The following RS1 variants were observed in gnomAD, a reference collection of about 807,000 sequenced individuals.
RS1 encodes retinoschisin.
In RS1, 2 loss-of-function variants were observed where a neutral mutation model predicts 20.8. The ratio of observed to expected loss-of-function variants is 0.10; its 90% CI spans 0.04 to 0.30. The LOEUF (loss-of-function observed/expected upper bound fraction) is 0.30, where lower values mean the gene tolerates loss of function less well. RS1 is among the 10% of genes least tolerant of loss of function. The pLI is 1.00. For synonymous variants in RS1, 70 were observed against 75.8 expected, an observed-to-expected ratio of 0.92 and a Z score of 0.40; for missense variants, 151 against 189.8, an observed-to-expected ratio of 0.80 and a Z score of 1.20.
At chrX:18,648,731 T>G (rs1331490751) in intron 3 of RS1, among the ~76,000 whole-genome samples, 3 of 111,984 alleles carry the variant, frequency 2.7e-5, no homozygotes, top group Non-Finnish European at 5.6e-5. Flanking sequence ...TTTTTTCCTG[T>G]TGCCTAGATC....
rs58669795 is a variant in RS1, at chrX:18,653,410, G to A, written c.184+3243C>T. The A allele has an allele frequency of 1.0e-3, 1,259 of 1,206,526 alleles. 7 individuals carry two copies. The African/African-American group carries it at 0.019, about 18-fold the overall frequency. The stretch of plus-strand genomic sequence containing the variant: ...GCTCCTGGCAGCTCTGAGTGACCCC[G>A]CTGTCCTTCTGTGCTTTCCAGGGTT... On this transcript the variant is annotated intron_variant, in intron 3 of 5. Coordinates refer to ENST00000379984, the MANE Select transcript of RS1 (RefSeq NM_000330.4).
rs144725387 is a variant in RS1, at chrX:18,649,915, C to T, written c.185-2583G>A. ...TGGGCAAAATTCTAACCTTGGGTGT[C>T]TCTGAGGCCCCTCCACTTTGAGCAT... On this transcript the variant is annotated intron_variant, in intron 3 of 5. Transcript: ENST00000379984. 3.6e-3 allele frequency among the ~76,000 whole-genome samples: 402 copies of T among 111,437 alleles called. 4 individuals carry two copies. The highest frequency in any genetic ancestry group is 0.012 in the African/African-American group (379 of 30,701).
At chrX:18,652,082 A>G (rs1233501862) in intron 3 of RS1, among the ~76,000 whole-genome samples, 1 of 110,558 alleles carries the variant, frequency 9.0e-6, no homozygotes, top group African/African-American at 3.3e-5. Context: ...CTTCACTGCC[A>G]TCTCCCCTCG....
intron 5 of RS1, 52 bp downstream of exon 5, chrX:18,644,378 G>A: frequency 9.0e-7 from 1 of 1,114,775 alleles, no homozygotes; most frequent in South Asian, 1.8e-5. Flanking sequence ...GGACAGGAGG[G>A]GAAGTCCCAG....
At chrX:18,664,724 T>C (rs1928375663) in intron 1 of RS1, among the ~76,000 whole-genome samples, 1 of 110,846 alleles carries the variant, frequency 9.0e-6, no homozygotes, top group African/African-American at 3.3e-5. Flanking sequence ...GTATTATTAT[T>C]ATTATTTTGA....
intron 1 of RS1, among the ~76,000 whole-genome samples, chrX:18,660,149 C>T (rs1928285843): frequency 9.0e-6 from 1 of 111,265 alleles, no homozygotes; most frequent in South Asian, 3.8e-4. Flanking sequence ...ATGGTTTTCC[C>T]TCATTAATCT....
intron 3 of RS1, chrX:18,653,667 T>C: frequency 1.0e-6 from 1 of 1,003,347 alleles, no homozygotes; most frequent in African/African-American, 1.9e-5. Flanking sequence ...AATATCTGTG[T>C]TGTTAAGATC....
At chrX:18,662,439 C>T (rs1305599721) in intron 1 of RS1, among the ~76,000 whole-genome samples, 1 of 110,982 alleles carries the variant, frequency 9.0e-6, no homozygotes. Context: ...TCTCCTAATG[C>T]TATCCCTCCC....
At chrX:18,647,164 GA>G in intron 4 of RS1, 26 bp downstream of exon 4, 2 of 1,207,256 alleles carry the variant, frequency 1.7e-6, no homozygotes, top group Admixed American at 2.2e-5. Context: ...AAAAGCACAT[GA>G]AAAAAAATCC....
chrX:18,655,017 G>A (rs1305902979), intron 3 of RS1, among the ~76,000 whole-genome samples: 1 of 68,096 alleles, frequency 1.5e-5, no homozygotes, highest in African/African-American at 4.5e-5. Flanking sequence ...CAGCAAGGCC[G>A]GTTTCATGCA....
At chrX:18,652,467 G>A (rs750341217) in intron 3 of RS1, among the ~76,000 whole-genome samples, 5 of 111,843 alleles carry the variant, frequency 4.5e-5, no homozygotes, top group African/African-American at 6.5e-5. Flanking sequence ...TCAGGAGTTC[G>A]AGACCAGCCT....
chrX:18,656,695 C>T lies in RS1; in HGVS notation c.142G>A (p.Ala48Thr), dbSNP rs1345077562. ...CKCDCQGGPN[A>T]LWSAGATSLD... ...GAGGTGGCACCTGCAGACCACAGAGCATTGGGTCCTCCTTGGCAATCGCAC... is the reference window on the plus strand; with the variant it reads ...GAGGTGGCACCTGCAGACCACAGAGTATTGGGTCCTCCTTGGCAATCGCAC... Residue 48 changes from alanine (A) to threonine (T), a missense_variant, in exon 3 of 6, where the codon GCT becomes ACT. Ala to Thr is a moderately conservative substitution (Grantham distance 58, BLOSUM62 0). Coordinates refer to ENST00000379984, the MANE Select transcript of RS1 (RefSeq NM_000330.4). 8.3e-7 allele frequency: 1 copy of T among 1,209,071 alleles called. No homozygotes were observed. The highest frequency in any genetic ancestry group is 1.8e-5 in the African/African-American group (1 of 56,999).
intron 1 of RS1, among the ~76,000 whole-genome samples, chrX:18,671,272 C>T (rs1928487830): frequency 1.8e-5 from 2 of 112,241 alleles, no homozygotes; most frequent in Non-Finnish European, 3.8e-5. Context: ...TTTCTAACAT[C>T]TGGATGAACC....
At position 18,672,043 on chromosome X, in the gene RS1, A is replaced by G. The variant is rs1223191465; in HGVS notation, c.26T>C (p.Leu9Ser). ...TTCATAGCCAAAGAGAAGTAATAAC[A>G]AAAAGCCTTCTATCTTGCGTGACAT... is the stretch of plus-strand genomic sequence containing the variant. MSRKIEGF[L>S]LLLLFGYEAT... is the part of the protein sequence containing the mutation. Residue 9 changes from leucine (L) to serine (S), a missense_variant, in exon 1 of 6, where the codon TTG becomes TCG. Transcript: ENST00000379984. The G allele has an allele frequency of 9.1e-6, 11 of 1,209,376 alleles. No homozygotes were observed. Among genetic ancestry groups the G allele is most frequent in the Non-Finnish European group, 1.2e-5 (11 of 894,808 alleles).
At chrX:18,657,757 G>A in intron 1 of RS1, 92 bp from the exon 2 acceptor site, 4 of 767,920 alleles carry the variant, frequency 5.2e-6, no homozygotes, top group Non-Finnish European at 8.1e-6. Flanking sequence ...AATAGAAATA[G>A]TCACATGAAA....
At chrX:18,664,487 C>G (rs1369265627) in intron 1 of RS1, among the ~76,000 whole-genome samples, 1 of 111,001 alleles carries the variant, frequency 9.0e-6, no homozygotes, top group Non-Finnish European at 1.9e-5. Flanking sequence ...AATTAGCCGG[C>G]CATGGTGGTG....
At position 18,653,380 on chromosome X, in the gene RS1, C is replaced by A. The variant is rs994142937; in HGVS notation, c.184+3273G>T. The A allele has an allele frequency of 2.5e-6, 3 of 1,195,582 alleles. No individual in the cohort carries two copies. The African/African-American group carries it at 5.3e-5, about 21-fold the overall frequency. ...CCGGGCATTAGCCAGAGTGCACCTG[C>A]TAGCGCTCCTGGCAGCTCTGAGTGA... On this transcript the variant is annotated intron_variant, in intron 3 of 5. Coordinates refer to ENST00000379984, the MANE Select transcript of RS1 (RefSeq NM_000330.4).
chrX:18,664,286 TGAG>T (rs1928366880), intron 1 of RS1, among the ~76,000 whole-genome samples: 1 of 111,959 alleles, frequency 8.9e-6, no homozygotes, highest in Non-Finnish European at 1.9e-5. Context: ...TGATGCTGAG[TGAG>T]AAGTCCAATG....
intron 3 of RS1, chrX:18,650,473 T>C (rs1927982126): frequency 8.3e-7 from 1 of 1,211,898 alleles, no homozygotes; most frequent in Non-Finnish European, 1.1e-6. Flanking sequence ...AACCGAGCCC[T>C]TCATCGTCCA....
Sources: allele counts gnomAD v4.1 joint callset (sites outside exome capture counted in the v4.1 genomes callset), GRCh38; gene constraint gnomAD v4.1.1; transcripts MANE v1.5; gene names NCBI Gene and HGNC (gene_info 2026-07-23, HGNC 2026-07-21).